The following GIGYF2 variants were observed in gnomAD, a reference collection of about 807,000 sequenced individuals.
The protein encoded by GIGYF2 is GRB10 interacting GYF protein 2.
A neutral mutation model predicts 208.1 loss-of-function variants in GIGYF2; 25 were observed. The ratio of observed to expected loss-of-function variants is 0.12; its 90% CI spans 0.09 to 0.17. The LOEUF (loss-of-function observed/expected upper bound fraction) is 0.17. GIGYF2 is among the 10% of genes least tolerant of loss of function. The pLI, the probability that GIGYF2 is intolerant of heterozygous loss-of-function variation, is 1.00. For missense variants in GIGYF2, 1,302 were observed against 1,579.4 expected, an observed-to-expected ratio of 0.82 and a Z score of 2.98; for synonymous variants, 534 against 543.8, an observed-to-expected ratio of 0.98 and a Z score of 0.25.
chr2:232,842,411 C>CT (rs1311459250), intron 23 of GIGYF2, among the ~76,000 whole-genome samples: 2 of 152,140 alleles, frequency 1.3e-5, no homozygotes, highest in African/African-American at 4.8e-5. Flanking sequence ...TTATTTTGTT[C>CT]TTTAAGTATT....
At chr2:232,768,305 A>C (rs769488519) in intron 8 of GIGYF2, 4 of 1,614,094 alleles carry the variant, frequency 2.5e-6, no homozygotes, top group African/African-American at 1.3e-5. Flanking sequence ...TTGGAAATTC[A>C]GGGACAGTCT....
chr2:232,727,925 C>T (rs1183745952), intron 2 of GIGYF2, among the ~76,000 whole-genome samples: 1 of 152,212 alleles, frequency 6.6e-6, no homozygotes, highest in Non-Finnish European at 1.5e-5. Context: ...TTTCTGTTTT[C>T]TGCTTCCTTT....
At chr2:232,821,223 G>A (rs1281796069) in intron 21 of GIGYF2, among the ~76,000 whole-genome samples, 1 of 148,572 alleles carries the variant, frequency 6.7e-6, no homozygotes, top group Non-Finnish European at 1.5e-5. Context: ...CTTATTTTAA[G>A]ACAAAGTCTC....
chr2:232,814,813 G>A (rs1462946716), intron 18 of GIGYF2, among the ~76,000 whole-genome samples: 4 of 151,960 alleles, frequency 2.6e-5, no homozygotes, highest in Non-Finnish European at 5.9e-5. Context: ...TTATCTCTTT[G>A]GGTTTATATG....
chr2:232,822,498 G>T (rs1025002248), intron 21 of GIGYF2, among the ~76,000 whole-genome samples: 1 of 152,184 alleles, frequency 6.6e-6, no homozygotes, highest in Non-Finnish European at 1.5e-5. Flanking sequence ...CTGGCCAACA[G>T]GGTGAAACCC....
intron 2 of GIGYF2, among the ~76,000 whole-genome samples, chr2:232,719,975 G>A (rs148186579): frequency 6.6e-6 from 1 of 152,166 alleles, no homozygotes; most frequent in African/African-American, 2.4e-5. Context: ...TTGTTACATA[G>A]TTGTACATGT....
intron 8 of GIGYF2, among the ~76,000 whole-genome samples, chr2:232,778,796 G>A (rs1699615526): frequency 6.6e-6 from 1 of 151,970 alleles, no homozygotes; most frequent in Admixed American, 6.6e-5. Flanking sequence ...AATGAGGGGA[G>A]GAAATGTATG....
chr2:232,814,564 A>ACCCCC lies in GIGYF2; in HGVS notation c.2108-1073_2108-1072insCCCCC, dbSNP rs1187503725. Among the ~76,000 whole-genome samples, 326 of 65,018 alleles carry ACCCCC rather than the reference A, an allele frequency of 5.0e-3. 67 individuals carry two copies. Among genetic ancestry groups the ACCCCC allele is most frequent in the Non-Finnish European group, 7.7e-3 (246 of 32,104 alleles). The allele number at this position is 65,018 out of a possible 152,430, so 42.7% of individuals were successfully genotyped here. On this transcript the variant is annotated intron_variant, in intron 18 of 28. Transcript: ENST00000373563. The stretch of plus-strand genomic sequence containing the variant: ...GGTGACAGAGTGAGACTCCACCTCA[A>ACCCCC]ACCCCCCCCCCCCAAAAAAAAAGTA...
intron 2 of GIGYF2, among the ~76,000 whole-genome samples, chr2:232,723,720 G>T (rs1452874091): frequency 7.4e-6 from 1 of 135,684 alleles, no homozygotes; most frequent in African/African-American, 2.8e-5. Context: ...GAGCCACTGT[G>T]CCCGGCCTTT....
At chr2:232,808,987 C>G (rs909058453) in intron 15 of GIGYF2, among the ~76,000 whole-genome samples, 5 of 152,126 alleles carry the variant, frequency 3.3e-5, no homozygotes, top group African/African-American at 7.2e-5. Flanking sequence ...CTCTGTCACC[C>G]AGGCTGGAGT....
chr2:232,742,510 C>T (rs1005554378), intron 3 of GIGYF2, among the ~76,000 whole-genome samples: 3 of 152,176 alleles, frequency 2.0e-5, no homozygotes, highest in East Asian at 3.8e-4. Flanking sequence ...GAGATAGTGC[C>T]ACTGCACTCC....
At position 232,794,802 on chromosome 2, in the gene GIGYF2, C is replaced by T; in HGVS notation, c.1337C>T (p.Ser446Phe). 1.2e-6 allele frequency: 2 copies of T among 1,613,916 alleles called. No individual in the cohort carries two copies. The highest frequency in any genetic ancestry group is 1.7e-6 in the Non-Finnish European group (2 of 1,179,838). Residue 446 changes from serine to phenylalanine, a missense_variant, in exon 13 of 29, where the codon TCT (serine) becomes TTT (phenylalanine). Coordinates refer to ENST00000373563, the MANE Select transcript of GIGYF2 (RefSeq NM_001103146.3). ...PLSQIPSDTA[S>F]PLLILPPPVP... ...TCGCAGATTCCTTCAGATACAGCCT[C>T]TCCTCTTCTCATACTTCCACCTCCT...
intron 3 of GIGYF2, chr2:232,735,490 A>C (rs1697695467): frequency 2.6e-6 from 1 of 383,550 alleles, no homozygotes; most frequent in East Asian, 4.5e-5. Flanking sequence ...CGCCCTAGAA[A>C]ATTATTTTCT....
intron 3 of GIGYF2, among the ~76,000 whole-genome samples, chr2:232,738,636 G>T (rs1002867252): frequency 7.2e-5 from 11 of 152,154 alleles, no homozygotes; most frequent in Admixed American, 3.3e-4. Context: ...TATCTCCAGT[G>T]CCTGGCACAT....
At chr2:232,804,522 C>A (rs1488240129) in intron 14 of GIGYF2, among the ~76,000 whole-genome samples, 2 of 151,776 alleles carry the variant, frequency 1.3e-5, no homozygotes, top group Admixed American at 1.3e-4. Flanking sequence ...GATGGAGTCT[C>A]ACTCTGTCAC....
chr2:232,771,795 G>A (rs993801910), intron 8 of GIGYF2, among the ~76,000 whole-genome samples: 1 of 152,104 alleles, frequency 6.6e-6, no homozygotes, highest in South Asian at 2.1e-4. Context: ...ATAATTAAAA[G>A]GGGTATGTTT....
rs1013641436 is a variant in GIGYF2, at chr2:232,760,632, A to G, written c.491+41A>G. 6.8e-6 allele frequency: 9 copies of G among 1,315,588 alleles called. No individual in the cohort carries two copies. The Admixed American group carries it at 6.9e-5, about 10-fold the overall frequency. The allele number at this position is 1,315,588 out of a possible 1,614,324, so 81.5% of individuals were successfully genotyped here. A position where few individuals can be genotyped will look rare whatever the true frequency, so the allele number is the denominator to read the frequency against. On this transcript the variant is annotated intron_variant, in intron 7 of 28. Coordinates refer to ENST00000373563, the MANE Select transcript of GIGYF2 (RefSeq NM_001103146.3). ...TATTGGCATAAAAATTTCTTGGCAT[A>G]TAAAACTTATATTTTTTGCTTTCTG...
At chr2:232,720,751 T>C (rs907202791) in intron 2 of GIGYF2, among the ~76,000 whole-genome samples, 2 of 152,140 alleles carry the variant, frequency 1.3e-5, no homozygotes, top group Admixed American at 6.6e-5. Context: ...TGAACCACCA[T>C]GCCTAGCTAA....
At position 232,811,366 on chromosome 2, in the gene GIGYF2, C is replaced by T. The variant is rs376841723; in HGVS notation, c.2006+15C>T. 28 of 1,299,970 alleles carry T rather than the reference C, an allele frequency of 2.2e-5. No individual in the cohort carries two copies. The African/African-American group carries it at 3.9e-4, about 18-fold the overall frequency. 80.5% of individuals were successfully genotyped at this position (1,299,970 alleles called of 1,614,324 possible). A position where few individuals can be genotyped will look rare whatever the true frequency, so the allele number is the denominator to read the frequency against. On this transcript the variant is annotated intron_variant, in intron 17 of 28. Transcript: ENST00000373563. ...TTGAAGATGAGGTTGGTGGTCATTC[C>T]ATTATGTGTCATATGGGGTGCATGT...
Sources: allele counts gnomAD v4.1 joint callset (sites outside exome capture counted in the v4.1 genomes callset), GRCh38; gene constraint gnomAD v4.1.1; transcripts MANE v1.5; gene names NCBI Gene and HGNC (gene_info 2026-07-23, HGNC 2026-07-21).